PTPRZ1: variants seen among roughly 807,000 people sequenced by gnomAD.
PTPRZ1 encodes receptor-type tyrosine-protein phosphatase zeta.
Under a neutral mutation model 214.1 loss-of-function variants are expected in PTPRZ1, and 82 were observed. The ratio of observed to expected loss-of-function variants is 0.38; its 90% confidence interval spans 0.32 to 0.46. The LOEUF is 0.46. Ranked by LOEUF, PTPRZ1 falls within the 20% of genes least tolerant of loss-of-function variation. PTPRZ1 has a pLI of 1.00. For synonymous variants in PTPRZ1, 945 were observed against 987.9 expected, an observed-to-expected ratio of 0.96 and a Z score of 0.81; for missense variants, 2,603 against 2,748.7, an observed-to-expected ratio of 0.95 and a Z score of 1.19.
chr7:122,002,997 A>G (rs1798373977), intron 10 of PTPRZ1, among the ~76,000 whole-genome samples: 1 of 152,216 alleles, frequency 6.6e-6, no homozygotes, highest in Non-Finnish European at 1.5e-5. Context: ...CATAGCTTTT[A>G]GAAAATCATA....
At chr7:122,029,974 A>G (rs140018868) in intron 14 of PTPRZ1, among the ~76,000 whole-genome samples, 49 of 152,054 alleles carry the variant, frequency 3.2e-4, no homozygotes, top group African/African-American at 1.1e-3. Flanking sequence ...GCTCTCAGTT[A>G]TCTGTTACAT....
At chr7:121,947,184 C>T (rs1297766908) in intron 2 of PTPRZ1, among the ~76,000 whole-genome samples, 1 of 151,606 alleles carries the variant, frequency 6.6e-6, no homozygotes, top group Non-Finnish European at 1.5e-5. Context: ...GGGATGTTGG[C>T]ACTATTCACT....
At position 122,040,823 on chromosome 7, in the gene PTPRZ1, A is replaced by C; in HGVS notation, c.5645A>C (p.Gln1882Pro). The change falls in exon 21 of 30, where the codon CAG becomes CCG. Residue 1882 changes from glutamine (Q) to proline (P), a missense_variant. Gln to Pro is a moderately conservative substitution (Grantham distance 76). Around this residue, in one of 6 missense-constraint regions of PTPRZ1, gnomAD observed 1,913 missense variants for 1,914.3 expected, o/e 1.00. Transcript: ENST00000393386. ...CTGTCTGAACTTTTCCAGGGCTCCC[A>C]GAAAGGAAGACCCAGTGGACGTGTG... Reference protein sequence around the residue: ...LRNTKIKKGSQKGRPSGRVVT... With the variant: ...LRNTKIKKGSPKGRPSGRVVT... 1.3e-6 allele frequency: 2 copies of C among 1,560,134 alleles called. No individual in the cohort carries two copies.
rs771850256 is a variant in PTPRZ1 at position 122,012,891 on chromosome 7, T to C, written c.3845T>C (p.Val1282Ala). 1.9e-6 allele frequency: 3 copies of C among 1,614,034 alleles called. No homozygotes were observed. The South Asian group carries it at 3.3e-5, about 18-fold the overall frequency. The change falls in exon 12 of 30, where the codon GTG becomes GCG. Residue 1282 changes from valine to alanine, a missense_variant. Val to Ala is a moderately conservative substitution (Grantham distance 64). Around this residue, in one of 6 missense-constraint regions of PTPRZ1, gnomAD observed 1,913 missense variants for 1,914.3 expected, o/e 1.00. Transcript: ENST00000393386. ...TTAAAAAGTGAAAGTTCCCACCAAG[T>C]GGTACCTTCTTTGTACAGTAATGAT... ...VLLKSESSHQ[V>A]VPSLYSNDEL...
chr7:121,918,812 TATC>T (rs998655031), intron 1 of PTPRZ1, among the ~76,000 whole-genome samples: 4 of 151,072 alleles, frequency 2.6e-5, no homozygotes, highest in African/African-American at 9.8e-5. Context: ...TATAAAATAG[TATC>T]ATAACTGTTG....
intron 8 of PTPRZ1, among the ~76,000 whole-genome samples, chr7:121,985,796 G>A (rs1797749481): frequency 6.6e-6 from 1 of 152,206 alleles, no homozygotes; most frequent in African/African-American, 2.4e-5. Flanking sequence ...GTTGTACGAT[G>A]TGCTCAGCTT....
intron 2 of PTPRZ1, among the ~76,000 whole-genome samples, chr7:121,930,675 A>G (rs1037536050): frequency 2.6e-5 from 4 of 152,120 alleles, no homozygotes; most frequent in South Asian, 2.1e-4. Context: ...AAATTTTTCT[A>G]TTATGTTTTT....
intron 12 of PTPRZ1, among the ~76,000 whole-genome samples, chr7:122,016,834 T>A (rs2116676396): frequency 6.6e-6 from 1 of 152,190 alleles, no homozygotes; most frequent in Non-Finnish European, 1.5e-5. Flanking sequence ...CATAATTATA[T>A]AAGCTTACTT....
At chr7:122,002,651 A>C (rs1798365686) in intron 10 of PTPRZ1, among the ~76,000 whole-genome samples, 1 of 152,232 alleles carries the variant, frequency 6.6e-6, no homozygotes, top group Admixed American at 6.5e-5. Context: ...ACCCTTCCCC[A>C]ACCCTTATTA....
At chr7:121,898,152 A>G (rs1005182204) in intron 1 of PTPRZ1, among the ~76,000 whole-genome samples, 3 of 152,190 alleles carry the variant, frequency 2.0e-5, no homozygotes, top group African/African-American at 4.8e-5. Context: ...ACAGTAAACC[A>G]TGTAAGTACT....
chr7:121,941,720 T>C (rs1425463448), intron 2 of PTPRZ1, among the ~76,000 whole-genome samples: 2 of 152,200 alleles, frequency 1.3e-5, no homozygotes. Context: ...CATTTTATAA[T>C]GGTCCTTTTA....
At chr7:121,893,940 G>A (rs1361770383) in intron 1 of PTPRZ1, among the ~76,000 whole-genome samples, 1 of 152,082 alleles carries the variant, frequency 6.6e-6, no homozygotes, top group Non-Finnish European at 1.5e-5. Flanking sequence ...AGGAAGTCTA[G>A]ACTTATAATA....
chr7:122,046,891 T>C (rs140839292), intron 23 of PTPRZ1, among the ~76,000 whole-genome samples: 1,880 of 152,238 alleles, frequency 0.012, 31 homozygotes, highest in African/African-American at 0.043. Flanking sequence ...AGCCTCGGAA[T>C]TGGATAAAAT....
chr7:122,040,782 G>T, intron 20 of PTPRZ1, 34 bp from the exon 21 acceptor site: 4 of 1,234,566 alleles, frequency 3.2e-6, no homozygotes, highest in African/African-American at 1.7e-5. Context: ...GTGTGTGTGT[G>T]TTTGACTGTT....
chr7:121,885,419 G>A (rs1354135901), intron 1 of PTPRZ1, among the ~76,000 whole-genome samples: 3 of 152,122 alleles, frequency 2.0e-5, no homozygotes, highest in African/African-American at 7.2e-5. Flanking sequence ...CCCTGTGAAA[G>A]AAGCATAAAG....
intron 13 of PTPRZ1, 46 bp from the exon 14 acceptor site, chr7:122,028,505 AT>A (rs756015294): frequency 1.2e-5 from 17 of 1,388,120 alleles, no homozygotes; most frequent in Non-Finnish European, 1.7e-5. Flanking sequence ...AAATTGTCTT[AT>A]TTTCCATAGC....
chr7:122,021,591 A>G (rs1799018333), intron 13 of PTPRZ1, among the ~76,000 whole-genome samples: 2 of 152,012 alleles, frequency 1.3e-5, no homozygotes, highest in Non-Finnish European at 2.9e-5. Context: ...AAAATAAACA[A>G]TTTAGCTGGG....
chr7:121,942,047 G>A (rs1175131433), intron 2 of PTPRZ1, among the ~76,000 whole-genome samples: 2 of 152,162 alleles, frequency 1.3e-5, no homozygotes, highest in Non-Finnish European at 2.9e-5. Context: ...TCCAAGCTCA[G>A]TGAGAATCAA....
chr7:121,975,178 C>A (rs925863484), intron 4 of PTPRZ1, among the ~76,000 whole-genome samples: 3 of 152,098 alleles, frequency 2.0e-5, no homozygotes. Flanking sequence ...CAGAGTGAGA[C>A]CCCCTCTCAA....
Sources: gnomAD v4.1 joint callset for allele counts (sites outside exome capture counted in the v4.1 genomes callset) on GRCh38, gnomAD v4.1.1 for gene constraint, gnomAD v4.1.1 regional missense constraint, MANE v1.5 for transcripts, NCBI Gene and HGNC (gene_info 2026-07-23, HGNC 2026-07-21) for gene names.